The following PNPLA6 variants were observed in gnomAD, a reference collection of about 807,000 sequenced individuals.
The protein encoded by PNPLA6 is patatin-like phospholipase domain-containing protein 6.
PNPLA6 carries 105 observed loss-of-function variants against 153.7 expected under a neutral mutation model. The ratio of observed to expected loss-of-function variants is 0.68; its 90% CI spans 0.58 to 0.80. The LOEUF is 0.80. Among genes scored for constraint, PNPLA6 ranks in the 30% least tolerant of loss-of-function variants. The probability of loss-of-function intolerance (pLI) is 0.00; values close to 1 mark genes in which losing one functional copy is unlikely to be tolerated. For missense variants in PNPLA6, 1,423 were observed against 1,919.3 expected (o/e 0.74, Z 4.83); for synonymous variants, 825 against 822.2 (o/e 1.00, Z -0.06).
chr19:7,543,212 CT>C (rs1393978867), intron 13 of PNPLA6, 128 bp downstream of exon 13: 10 of 849,956 alleles, frequency 1.2e-5, no homozygotes, highest in Non-Finnish European at 2.0e-5. Flanking sequence ...CTCTCTCATC[CT>C]ATCATTTCCA....
rs1434637011 is a variant in PNPLA6 at position 7,536,171 on chromosome 19, CT to C, written c.233-19del. The C allele has an allele frequency of 1.3e-6, 2 of 1,568,802 alleles. No homozygotes were observed. Among genetic ancestry groups the C allele is most frequent in the Non-Finnish European group, 1.8e-6 (2 of 1,138,946 alleles). On this transcript the variant is annotated intron_variant, in intron 1 of 31. Coordinates refer to ENST00000600737, the MANE Select transcript of PNPLA6 (RefSeq NM_001166114.2). Reference sequence around the variant, plus strand: ...AGTCTGCACAGAGCTCGGAGTGCCCCTGTCCCCACCTATCCCCAGAAACCCC... The same window carrying C: ...AGTCTGCACAGAGCTCGGAGTGCCCCGTCCCCACCTATCCCCAGAAACCCC...
In PNPLA6 at chr19:7,557,181, G is replaced by T; in HGVS notation, c.3294G>T (p.Arg1098=). The stretch of plus-strand genomic sequence containing the variant: ...CCCACCGCGCAGGCTCCCTGTGGCG[G>T]TACGTGCGCGCCAGCATGACGCTGT... ...MRVHKDGSLW[R]YVRASMTLSG... Residue 1098 remains arginine (R), a synonymous_variant, in exon 27 of 32, where the codon CGG becomes CGT. Transcript: ENST00000600737. The T allele has an allele frequency of 6.2e-7, 1 of 1,610,388 alleles. No homozygotes were observed. The highest frequency in any genetic ancestry group is 2.2e-5 in the East Asian group (1 of 44,746).
rs1312718553 is a variant in PNPLA6 at position 7,541,447 on chromosome 19, C to G, written c.1005+13C>G. ...GCTCTTCAGCCACGTGAGTGGGTGGCGGGGAGCGAGCACAGGGGGGATGGG... is the reference window on the plus strand; with the variant it reads ...GCTCTTCAGCCACGTGAGTGGGTGGGGGGGAGCGAGCACAGGGGGGATGGG... On this transcript the variant is annotated intron_variant, in intron 8 of 31. Coordinates refer to ENST00000600737, the MANE Select transcript of PNPLA6 (RefSeq NM_001166114.2). This position sits in a 1 kb window ranked among gnomAD's most constrained non-coding sequence, Gnocchi z 5.2. 1 of 1,612,806 alleles carries G rather than the reference C, an allele frequency of 6.2e-7. No homozygotes were observed. The highest frequency in any genetic ancestry group is 1.7e-5 in the Admixed American group (1 of 59,948).
At position 7,541,253 on chromosome 19, in the gene PNPLA6, G is replaced by A; in HGVS notation, c.925-101G>A. Reference sequence around the variant, plus strand: ...TCCCCAGACTGTGGGTCTCTCCCTGGTTCCCGCCCGACCCCTTATGCTGCG... The same window carrying A: ...TCCCCAGACTGTGGGTCTCTCCCTGATTCCCGCCCGACCCCTTATGCTGCG... On this transcript the variant is annotated intron_variant, in intron 7 of 31. Transcript: ENST00000600737. The surrounding 1 kb of genome is among the most constrained non-coding windows in gnomAD (Gnocchi z 5.2). 8.5e-7 allele frequency: 1 copy of A among 1,181,788 alleles called. No individual in the cohort carries two copies. The highest frequency in any genetic ancestry group is 2.5e-5 in the East Asian group (1 of 39,548). 73.2% of individuals were successfully genotyped at this position (1,181,788 alleles called of 1,614,324 possible). A position where few individuals can be genotyped will look rare whatever the true frequency, so the allele number is the denominator to read the frequency against.
chr19:7,543,657 G>A (rs2023255452), intron 13 of PNPLA6, among the ~76,000 whole-genome samples: 1 of 152,184 alleles, frequency 6.6e-6, no homozygotes, highest in South Asian at 2.1e-4. Context: ...CAGGGTAGGA[G>A]GAGGAGGAGG....
chr19:7,553,413 G>A (rs1056503293), intron 18 of PNPLA6, among the ~76,000 whole-genome samples: 20 of 152,268 alleles, frequency 1.3e-4, no homozygotes, highest in Middle Eastern at 3.4e-3. Context: ...CACCATGCCT[G>A]GCTAATTGTT....
chr19:7,557,030 C>A, intron 26 of PNPLA6, 138 bp from the exon 27 acceptor site: 1 of 817,382 alleles, frequency 1.2e-6, no homozygotes, highest in South Asian at 1.3e-5. Context: ...CACTGTGCGA[C>A]CCCAAGGACG....
intron 27 of PNPLA6, among the ~76,000 whole-genome samples, chr19:7,557,719 G>A (rs1018659423): frequency 2.0e-5 from 3 of 148,922 alleles, no homozygotes; most frequent in African/African-American, 2.4e-5. Flanking sequence ...GGGAGTTGGA[G>A]GTTGCAGTGA....
In PNPLA6 at chr19:7,550,548, G is replaced by C; in HGVS notation, c.1978G>C (p.Val660Leu). The change falls in exon 16 of 32, where the codon GTG (valine) becomes CTG (leucine). Residue 660 changes from valine to leucine, a missense_variant. Val to Leu is a conservative substitution (Grantham distance 32). Around this residue, in one of 10 missense-constraint regions of PNPLA6, gnomAD observed 63 missense variants for 166.2 expected, o/e 0.38. Transcript: ENST00000600737. ...CGACCGCTCCGACTGCACTTACATC[G>C]TGCTCAATGGGCGGCTGCGTAGCGT... is the stretch of plus-strand genomic sequence containing the variant. ...QGDRSDCTYI[V>L]LNGRLRSVIQ... 1.9e-6 allele frequency: 3 copies of C among 1,613,266 alleles called. No individual in the cohort carries two copies. The highest frequency in any genetic ancestry group is 2.5e-6 in the Non-Finnish European group (3 of 1,179,922).
At position 7,554,953 on chromosome 19, in the gene PNPLA6, CGA is replaced by C. The variant is rs1264107251; in HGVS notation, c.2699_2700del (p.Glu900GlyfsTer41). The C allele has an allele frequency of 6.3e-7, 1 of 1,590,078 alleles. No homozygotes were observed. The highest frequency in any genetic ancestry group is 8.5e-7 in the Non-Finnish European group (1 of 1,174,878). On this transcript the variant is annotated frameshift_variant, in exon 22 of 32. Coordinates refer to ENST00000600737, the MANE Select transcript of PNPLA6 (RefSeq NM_001166114.2). LOFTEE classifies it high-confidence loss of function. Reference protein sequence around the residue: ...RALKQLVLLHREEGAGPTRTV... With the variant: ...RALKQLVLLHXEEGAGPTRTV... Reference sequence around the variant, plus strand: ...CCTTAAGCAGCTAGTCCTGCTCCACCGAGAGGAGGGCGCGGGCCCCACGCGCA... The same window carrying C: ...CCTTAAGCAGCTAGTCCTGCTCCACCGAGGAGGGCGCGGGCCCCACGCGCA...
Position 7,540,436 on chromosome 19 carries a change from A to T in PNPLA6, c.714+128A>T, listed in dbSNP as rs2023079362. The T allele has an allele frequency of 1.2e-5, 14 of 1,145,930 alleles. No individual in the cohort carries two copies. The Admixed American group carries it at 3.0e-4, about 25-fold the overall frequency. The allele number at this position is 1,145,930 out of a possible 1,614,324, so 71.0% of individuals were successfully genotyped here. A position where few individuals can be genotyped will look rare whatever the true frequency, so the allele number is the denominator to read the frequency against. On this transcript the variant is annotated intron_variant, in intron 5 of 31. Coordinates refer to ENST00000600737, the MANE Select transcript of PNPLA6 (RefSeq NM_001166114.2). The surrounding 1 kb of genome is among the most constrained non-coding windows in gnomAD (Gnocchi z 6.8). ...GAGTCAGGGGAACGGGTGACCGAGG[A>T]CATTTGGGGTAGTCTGCGTAGTTGC...
chr19:7,536,383 G>C, intron 2 of PNPLA6, 66 bp from the exon 3 acceptor site: 1 of 1,405,756 alleles, frequency 7.1e-7, no homozygotes, highest in South Asian at 1.2e-5. Flanking sequence ...AGACCCCCTG[G>C]ATCCGTCTGC....
chr19:7,535,249 G>A (rs916726937), upstream of PNPLA6: 4 of 569,352 alleles, frequency 7.0e-6, no homozygotes, highest in African/African-American at 1.9e-5. The surrounding 1 kb of genome is among the most constrained non-coding windows in gnomAD (Gnocchi z 5.0). Context: ...TTGGACAGGC[G>A]GGCGTCTGGT....
At position 7,542,788 on chromosome 19, in the gene PNPLA6, CCGGCAGG is replaced by C; in HGVS notation, c.1393_1399del (p.Ala465ProfsTer40). The C allele has an allele frequency of 6.2e-7, 1 of 1,613,056 alleles. No homozygotes were observed. The highest frequency in any genetic ancestry group is 1.3e-5 in the African/African-American group (1 of 75,058). On this transcript the variant is annotated frameshift_variant, in exon 12 of 32. Coordinates refer to ENST00000600737, the MANE Select transcript of PNPLA6 (RefSeq NM_001166114.2). LOFTEE classifies it high-confidence loss of function. ...CCCCACTCAGGAGCCTCGTGAGCAG[CCGGCAGG>C]CGCCTGTGAATACAGCTACTGTGAG...
chr19:7,536,616 C>T, intron 3 of PNPLA6, 70 bp downstream of exon 3: 1 of 1,017,080 alleles, frequency 9.8e-7, no homozygotes, highest in Non-Finnish European at 1.6e-6. Flanking sequence ...TCAGCTTACA[C>T]CAAAGTGTTG....
intron 13 of PNPLA6, 85 bp from the exon 14 acceptor site, chr19:7,549,822 A>T: frequency 7.5e-7 from 1 of 1,334,292 alleles, no homozygotes; most frequent in Non-Finnish European, 1.1e-6. Flanking sequence ...TTTCTTCTTT[A>T]ATTTTTTCCT....
chr19:7,540,536 TGAG>T lies in PNPLA6; in HGVS notation c.715-93_715-91del, dbSNP rs1568407728. On this transcript the variant is annotated intron_variant, in intron 5 of 31. Transcript: ENST00000600737. This position sits in a 1 kb window ranked among gnomAD's most constrained non-coding sequence, Gnocchi z 6.8. ...GTTGGTGGGTTCCCCTGAGAAGGGATGAGAAGTGTCAGTGATCATTGGGATGGA... is the reference window on the plus strand; with the variant it reads ...GTTGGTGGGTTCCCCTGAGAAGGGATAAGTGTCAGTGATCATTGGGATGGA... 8.9e-7 allele frequency: 1 copy of T among 1,129,798 alleles called. No individual in the cohort carries two copies. The highest frequency in any genetic ancestry group is 1.4e-6 in the Non-Finnish European group (1 of 740,442). The allele number at this position is 1,129,798 out of a possible 1,614,324, so 70.0% of individuals were successfully genotyped here. A position where few individuals can be genotyped will look rare whatever the true frequency, so the allele number is the denominator to read the frequency against.
chr19:7,555,233 A>G lies in PNPLA6; in HGVS notation c.2818-16A>G. On this transcript the variant is annotated splice_polypyrimidine_tract_variant and intron_variant, in intron 22 of 31. Coordinates refer to ENST00000600737, the MANE Select transcript of PNPLA6 (RefSeq NM_001166114.2). The surrounding 1 kb of genome is among the most constrained non-coding windows in gnomAD (Gnocchi z 6.3). ...GCCCTCATGCTCCTGGGTCGCGACT[A>G]TCTCCCCCATCCCAGCATGAGCTCT... 3.2e-6 allele frequency: 5 copies of G among 1,584,264 alleles called. No homozygotes were observed. Among genetic ancestry groups the G allele is most frequent in the Non-Finnish European group, 4.3e-6 (5 of 1,162,244 alleles).
Position 7,555,911 on chromosome 19 carries a change from G to A in PNPLA6, c.3093+148G>A. The stretch of plus-strand genomic sequence containing the variant: ...ATCCCCAGCTGTCCGGACTTTTATA[G>A]ATAAGCTTCTAGGACTCTGGGTAAC... On this transcript the variant is annotated intron_variant, in intron 24 of 31. Transcript: ENST00000600737. The surrounding 1 kb of genome is among the most constrained non-coding windows in gnomAD (Gnocchi z 6.3). The A allele has an allele frequency of 2.3e-6, 2 of 868,846 alleles. No homozygotes were observed. The highest frequency in any genetic ancestry group is 3.7e-6 in the Non-Finnish European group (2 of 544,728). The allele number at this position is 868,846 out of a possible 1,614,324, so 53.8% of individuals were successfully genotyped here.
Sources: allele counts gnomAD v4.1 joint callset (sites outside exome capture counted in the v4.1 genomes callset), GRCh38; gene constraint gnomAD v4.1.1; regional missense constraint gnomAD v4.1.1; non-coding constraint Gnocchi (gnomAD v3.1); transcripts MANE v1.5; gene names NCBI Gene and HGNC (gene_info 2026-07-23, HGNC 2026-07-21).